The following ATP2B2 variants were observed in gnomAD, a reference collection of about 807,000 sequenced individuals.
ATP2B2 encodes ATPase plasma membrane Ca2+ transporting 2.
ATP2B2 carries 15 observed loss-of-function variants against 120.0 expected under a neutral mutation model. The observed-to-expected ratio is 0.12, with a 90% CI of 0.08 to 0.19. The LOEUF is 0.19. ATP2B2 is among the 10% of genes least tolerant of loss of function. The pLI, the probability that ATP2B2 is intolerant of heterozygous loss-of-function variation, is 1.00. For synonymous variants in ATP2B2, 694 were observed against 700.3 expected (o/e 0.99, Z 0.14); for missense variants, 1,045 against 1,719.8 (o/e 0.61, Z 6.94).
intron 2 of ATP2B2, among the ~76,000 whole-genome samples, chr3:10,617,937 G>C (rs1038138323): frequency 2.6e-5 from 4 of 152,000 alleles, no homozygotes; most frequent in African/African-American, 9.7e-5. Context: ...CCTTATCGCT[G>C]TGTTGACCCC....
chr3:10,394,877 C>T (rs920120461), intron 5 of ATP2B2, among the ~76,000 whole-genome samples: 9 of 152,074 alleles, frequency 5.9e-5, no homozygotes. Flanking sequence ...CCCCCTGGCT[C>T]CAGCCCCTTC....
chr3:10,357,858 C>T (rs569485676), intron 14 of ATP2B2, among the ~76,000 whole-genome samples: 1 of 152,210 alleles, frequency 6.6e-6, no homozygotes, highest in Non-Finnish European at 1.5e-5. Flanking sequence ...TTCCTCTGTT[C>T]CCCACAGCCT....
intron 8 of ATP2B2, among the ~76,000 whole-genome samples, chr3:10,380,103 G>C (rs2061491439): frequency 6.6e-6 from 1 of 152,230 alleles, no homozygotes; most frequent in Non-Finnish European, 1.5e-5. Flanking sequence ...AGGCTAAGTA[G>C]TGTCCGTGGG....
intron 1 of ATP2B2, among the ~76,000 whole-genome samples, chr3:10,668,886 C>T (rs2071019550): frequency 1.3e-5 from 2 of 152,198 alleles, no homozygotes; most frequent in African/African-American, 4.8e-5. Context: ...ACAGTAGGCG[C>T]TCAGTGGATC....
chr3:10,654,074 C>A (rs1249195313), intron 1 of ATP2B2, among the ~76,000 whole-genome samples: 1 of 152,136 alleles, frequency 6.6e-6, no homozygotes, highest in Non-Finnish European at 1.5e-5. Context: ...TGTACTCATT[C>A]TCTTACTTGT....
At chr3:10,394,329 G>T (rs1396731193) in intron 5 of ATP2B2, among the ~76,000 whole-genome samples, 1 of 152,088 alleles carries the variant, frequency 6.6e-6, no homozygotes, top group Non-Finnish European at 1.5e-5. Context: ...CGCTCACAGA[G>T]CACGAGGCAG....
upstream of ATP2B2, among the ~76,000 whole-genome samples, chr3:10,507,414 C>T (rs1046042753): frequency 1.3e-5 from 2 of 152,128 alleles, no homozygotes; most frequent in African/African-American, 4.8e-5. Context: ...AGCTCCACCC[C>T]AGGGACCAGG....
At chr3:10,541,890 C>T (rs541931750) in intron 2 of ATP2B2, among the ~76,000 whole-genome samples, 3 of 152,186 alleles carry the variant, frequency 2.0e-5, no homozygotes, top group Admixed American at 6.5e-5. Context: ...TAATTGTGGT[C>T]ACTCCTATCA....
chr3:10,410,126 G>A (rs2062557614), intron 3 of ATP2B2, among the ~76,000 whole-genome samples: 1 of 152,244 alleles, frequency 6.6e-6, no homozygotes, highest in South Asian at 2.1e-4. Context: ...CCTTTTCTGT[G>A]CCTTGGTTTC....
At position 10,385,341 on chromosome 3, in the gene ATP2B2, G is replaced by A; in HGVS notation, c.941-14C>T. Reference sequence around the variant, plus strand: ...CACCGTCTGCTGCTGCAGGGGGGTGGGAGGGATGGAAAATGCAGTGTCACA... The same window carrying A: ...CACCGTCTGCTGCTGCAGGGGGGTGAGAGGGATGGAAAATGCAGTGTCACA... On this transcript the variant is annotated splice_polypyrimidine_tract_variant and intron_variant, in intron 7 of 22. Transcript: ENST00000360273. 2 of 1,612,936 alleles carry A rather than the reference G, an allele frequency of 1.2e-6. No individual in the cohort carries two copies. The highest frequency in any genetic ancestry group is 8.5e-7 in the Non-Finnish European group (1 of 1,179,594).
intron 1 of ATP2B2, among the ~76,000 whole-genome samples, chr3:10,487,730 T>A (rs1296218152): frequency 6.6e-6 from 1 of 152,202 alleles, no homozygotes; most frequent in Non-Finnish European, 1.5e-5. Flanking sequence ...GCCGTTAATG[T>A]TCATGGGAAT....
chr3:10,452,119 G>A (rs1004550594), intron 1 of ATP2B2, among the ~76,000 whole-genome samples: 5 of 152,256 alleles, frequency 3.3e-5, no homozygotes, highest in African/African-American at 1.2e-4. Flanking sequence ...TAGACCAAGC[G>A]AATGAGGTTC....
chr3:10,374,611 G>C (rs1212858932), intron 11 of ATP2B2, among the ~76,000 whole-genome samples: 1 of 152,204 alleles, frequency 6.6e-6, no homozygotes, highest in African/African-American at 2.4e-5. Flanking sequence ...TCGAGGTGGA[G>C]AAAACATGGG....
At chr3:10,486,917 AT>A (rs2065701420) in intron 1 of ATP2B2, among the ~76,000 whole-genome samples, 2 of 152,000 alleles carry the variant, frequency 1.3e-5, no homozygotes, top group East Asian at 1.9e-4. Context: ...ATGGGGTTTC[AT>A]CTCTACTAAA....
chr3:10,485,174 G>A (rs1009517947), intron 1 of ATP2B2, among the ~76,000 whole-genome samples: 3 of 152,356 alleles, frequency 2.0e-5, no homozygotes, highest in Admixed American at 6.5e-5. Flanking sequence ...ACCACCAGAA[G>A]AGTGGCACCT....
intron 2 of ATP2B2, among the ~76,000 whole-genome samples, chr3:10,605,926 G>A (rs570025588): frequency 6.6e-6 from 1 of 152,244 alleles, no homozygotes; most frequent in East Asian, 1.9e-4. Context: ...TGTGATTACA[G>A]GCGTGAGCCA....
chr3:10,603,223 C>T (rs905968030), intron 2 of ATP2B2, among the ~76,000 whole-genome samples: 24 of 152,170 alleles, frequency 1.6e-4, no homozygotes, highest in African/African-American at 5.3e-4. Context: ...GACTTCATCC[C>T]CCTGGGGTAG....
chr3:10,471,001 T>C (rs946124590), intron 1 of ATP2B2, among the ~76,000 whole-genome samples: 1 of 152,066 alleles, frequency 6.6e-6, no homozygotes, highest in African/African-American at 2.4e-5. Flanking sequence ...ACGGGGGGCC[T>C]GGGGGGCCCT....
At chr3:10,626,998 T>C (rs565695842) in intron 1 of ATP2B2, among the ~76,000 whole-genome samples, 1 of 152,212 alleles carries the variant, frequency 6.6e-6, no homozygotes, top group Admixed American at 6.5e-5. Context: ...TCATTTTGCT[T>C]TTGAAACTCA....
Sources: gnomAD v4.1 joint callset for allele counts (sites outside exome capture counted in the v4.1 genomes callset) on GRCh38, gnomAD v4.1.1 for gene constraint, MANE v1.5 for transcripts, NCBI Gene and HGNC (gene_info 2026-07-23, HGNC 2026-07-21) for gene names.